Variants in RBM20 observed in about 807,000 individuals in gnomAD.
The protein encoded by RBM20 is RNA binding motif protein 20, also known as RNA-binding protein 20.
RBM20 carries 51 observed loss-of-function variants against 110.1 expected under a neutral mutation model. The ratio of observed to expected loss-of-function variants is 0.46; its 90% CI spans 0.37 to 0.59. The LOEUF (loss-of-function observed/expected upper bound fraction) is 0.59, where lower values mean the gene tolerates loss of function less well. RBM20 is among the 20% of genes least tolerant of loss of function. The probability of loss-of-function intolerance (pLI) is 0.00; values close to 1 mark genes in which losing one functional copy is unlikely to be tolerated. For missense variants in RBM20, 1,512 were observed against 1,574.9 expected (o/e 0.96, Z 0.68); for synonymous variants, 589 against 618.2 (o/e 0.95, Z 0.70).
In RBM20 at chr10:110,745,930, A is replaced by C. The variant is rs12413192; in HGVS notation, c.192-34871A>C. On this transcript the variant is annotated intron_variant, in intron 1 of 13. Coordinates refer to ENST00000369519, the MANE Select transcript of RBM20 (RefSeq NM_001134363.3). The stretch of plus-strand genomic sequence containing the variant: ...TGTCCACAGTACAGATTTTTTAAAC[A>C]ATAATTTGAGAATGTTCAAATCTGT... Among the ~76,000 whole-genome samples the C allele has an allele frequency of 9.3e-3, 1,412 of 152,308 alleles. 52 individuals carry two copies. Among genetic ancestry groups the C allele is most frequent in the Admixed American group, 0.06 (912 of 15,296 alleles).
At chr10:110,703,842 T>G (rs1862795064) in intron 1 of RBM20, among the ~76,000 whole-genome samples, 1 of 152,260 alleles carries the variant, frequency 6.6e-6, no homozygotes, top group African/African-American at 2.4e-5. Flanking sequence ...CCAGGCATGG[T>G]GGCTCATGCC....
chr10:110,835,202 GT>G (rs777200447), intron 13 of RBM20: 10 of 152,100 alleles, frequency 6.6e-5, no homozygotes, highest in Non-Finnish European at 1.0e-4. Context: ...AAACAGAGTT[GT>G]TTTGGGAGTT....
intron 1 of RBM20, among the ~76,000 whole-genome samples, chr10:110,751,154 T>A (rs1216863438): frequency 6.6e-6 from 1 of 152,234 alleles, no homozygotes; most frequent in Non-Finnish European, 1.5e-5. Context: ...AATGTCTCCA[T>A]CATCTTAAGT....
chr10:110,725,017 G>A (rs1035995473), intron 1 of RBM20, among the ~76,000 whole-genome samples: 3 of 152,196 alleles, frequency 2.0e-5, no homozygotes, highest in Non-Finnish European at 4.4e-5. Context: ...AGTGGACTGT[G>A]ATAAACACTG....
chr10:110,772,208 T>A (rs750922204), intron 1 of RBM20, among the ~76,000 whole-genome samples: 2 of 152,254 alleles, frequency 1.3e-5, no homozygotes, highest in Non-Finnish European at 2.9e-5. Flanking sequence ...TGTGGGTCCA[T>A]CTGGGAAATG....
intron 10 of RBM20, among the ~76,000 whole-genome samples, chr10:110,820,431 A>G (rs1463573011): frequency 6.6e-6 from 1 of 152,160 alleles, no homozygotes; most frequent in Admixed American, 6.5e-5. Flanking sequence ...TGTTCCTACG[A>G]GAAAACATGT....
chr10:110,758,717 G>A (rs755314358), intron 1 of RBM20, among the ~76,000 whole-genome samples: 3 of 152,190 alleles, frequency 2.0e-5, no homozygotes, highest in Non-Finnish European at 2.9e-5. Context: ...TGTGGCTAAC[G>A]CAACTGAGGA....
At chr10:110,797,039 T>A (rs1400819923) in intron 5 of RBM20, among the ~76,000 whole-genome samples, 1 of 152,256 alleles carries the variant, frequency 6.6e-6, no homozygotes, top group Non-Finnish European at 1.5e-5. Context: ...TGCTAAAGTA[T>A]ATTCTCAAAA....
intron 6 of RBM20, among the ~76,000 whole-genome samples, chr10:110,798,491 A>C (rs1046638968): frequency 6.6e-6 from 1 of 152,218 alleles, no homozygotes; most frequent in African/African-American, 2.4e-5. Flanking sequence ...TTCAGCTTGT[A>C]ACATTGATGT....
At chr10:110,770,289 C>A (rs1012111920) in intron 1 of RBM20, among the ~76,000 whole-genome samples, 4 of 152,152 alleles carry the variant, frequency 2.6e-5, no homozygotes, top group African/African-American at 9.7e-5. Flanking sequence ...AACTGAGGTA[C>A]CCCAGTCCTC....
intron 1 of RBM20, among the ~76,000 whole-genome samples, chr10:110,763,605 T>C (rs1368346022): frequency 6.6e-6 from 1 of 151,968 alleles, no homozygotes; most frequent in Non-Finnish European, 1.5e-5. Flanking sequence ...AGGATTACAG[T>C]GTGAGATTTG....
intron 1 of RBM20, among the ~76,000 whole-genome samples, chr10:110,671,673 C>T (rs988136056): frequency 6.6e-6 from 1 of 151,956 alleles, no homozygotes; most frequent in Non-Finnish European, 1.5e-5. Flanking sequence ...GAAACAAACA[C>T]CTCTCCAGCT....
At chr10:110,802,736 G>A (rs1844645284) in intron 7 of RBM20, among the ~76,000 whole-genome samples, 1 of 152,224 alleles carries the variant, frequency 6.6e-6, no homozygotes, top group South Asian at 2.1e-4. Flanking sequence ...ACCGTGGGTG[G>A]AACTGGGCCA....
At chr10:110,822,465 TCTCA>T (rs562621018) in intron 11 of RBM20, 3 of 456,774 alleles carry the variant, frequency 6.6e-6, no homozygotes, top group Non-Finnish European at 1.3e-5. Flanking sequence ...CAGGATATTC[TCTCA>T]CTCCATTGGA....
At chr10:110,813,215 G>C (rs79492956) in intron 9 of RBM20, among the ~76,000 whole-genome samples, 1 of 152,104 alleles carries the variant, frequency 6.6e-6, no homozygotes, top group Non-Finnish European at 1.5e-5. Flanking sequence ...AAGAACACAC[G>C]GTCAGGAAAT....
chr10:110,709,562 CT>C (rs10713170), intron 1 of RBM20, among the ~76,000 whole-genome samples: 55,502 of 135,372 alleles, frequency 0.41, 11,865 homozygotes, highest in African/African-American at 0.6. Context: ...GTGATAATTT[CT>C]TTTTTTTTTT....
chr10:110,742,682 A>G (rs1452042941), intron 1 of RBM20, among the ~76,000 whole-genome samples: 1 of 152,244 alleles, frequency 6.6e-6, no homozygotes, highest in African/African-American at 2.4e-5. Flanking sequence ...CCCAAACTTG[A>G]CACACAAATC....
At chr10:110,656,418 G>T (rs1032598221) in intron 1 of RBM20, among the ~76,000 whole-genome samples, 1 of 151,804 alleles carries the variant, frequency 6.6e-6, no homozygotes. Context: ...TGCTTTCTTT[G>T]TTTGCGTTTC....
chr10:110,808,993 T>G (rs537865733), intron 7 of RBM20, among the ~76,000 whole-genome samples: 1 of 152,196 alleles, frequency 6.6e-6, no homozygotes, highest in South Asian at 2.1e-4. Flanking sequence ...GGCAGGAGGA[T>G]TGCTTGAGCC....
Sources: gnomAD v4.1 joint callset for allele counts (sites outside exome capture counted in the v4.1 genomes callset) on GRCh38, gnomAD v4.1.1 for gene constraint, MANE v1.5 for transcripts, NCBI Gene and HGNC (gene_info 2026-07-23, HGNC 2026-07-21) for gene names.